The following ADAM32 variants were observed in gnomAD, a reference collection of about 807,000 sequenced individuals.
ADAM32 encodes the protein ADAM metallopeptidase domain 32, also known as disintegrin and metalloproteinase domain-containing protein 32.
ADAM32 carries 89 observed loss-of-function variants against 114.9 expected under a neutral mutation model. The observed-to-expected ratio is 0.77, with a 90% CI of 0.65 to 0.92. ADAM32 has a LOEUF of 0.92. Ranked by LOEUF, ADAM32 falls within the 40% of genes least tolerant of loss-of-function variation. The probability of loss-of-function intolerance (pLI) is 0.00; values close to 1 mark genes in which losing one functional copy is unlikely to be tolerated. For synonymous variants in ADAM32, 285 were observed against 307.5 expected (o/e 0.93, Z 0.77); for missense variants, 870 against 932.8 (o/e 0.93, Z 0.88).
chr8:39,154,611 C>T (rs1033078367), intron 6 of ADAM32, among the ~76,000 whole-genome samples: 7 of 152,186 alleles, frequency 4.6e-5, no homozygotes, highest in Non-Finnish European at 1.0e-4. Context: ...TGAGGAATTG[C>T]CACACTGTCT....
chr8:39,151,425 A>C lies in ADAM32; in HGVS notation c.402A>C (p.Glu134Asp). The change falls in exon 6 of 25, where the codon GAA (glutamate) becomes GAC (aspartate). Residue 134 changes from glutamate (E) to aspartate (D), a missense_variant. By Grantham distance (45) the Glu-to-Asp change is conservative. Coordinates refer to ENST00000379907, the MANE Select transcript of ADAM32 (RefSeq NM_145004.7). ...ENVSYGIEPL[E>D]SAVEFQHVLY... ...TTTCTTATGGAATTGAGCCTCTGGA[A>C]TCTGCAGTTGAATTTCAGCATGTTC... The C allele has an allele frequency of 6.2e-7, 1 of 1,603,322 alleles. No individual in the cohort carries two copies. The highest frequency in any genetic ancestry group is 8.5e-7 in the Non-Finnish European group (1 of 1,176,804).
chr8:39,246,390 T>TATATA (rs1810921591), intron 17 of ADAM32, among the ~76,000 whole-genome samples: 1 of 152,090 alleles, frequency 6.6e-6, no homozygotes, highest in Non-Finnish European at 1.5e-5. Context: ...ATTGTTATAA[T>TATATA]TGGGTACTTT....
intron 6 of ADAM32, 102 bp downstream of exon 6, chr8:39,151,650 T>C (rs2129445588): frequency 1.2e-6 from 1 of 840,316 alleles, no homozygotes; most frequent in Admixed American, 4.0e-5. Context: ...TTGTAGCAAA[T>C]ATCCTTTCCT....
At chr8:39,231,935 A>G (rs1309522527) in intron 14 of ADAM32, 92 bp from the exon 15 acceptor site, 9 of 1,026,606 alleles carry the variant, frequency 8.8e-6, no homozygotes, top group Non-Finnish European at 1.3e-5. Flanking sequence ...TTAGATATTA[A>G]TGGAGAGATA....
intron 19 of ADAM32, among the ~76,000 whole-genome samples, chr8:39,263,145 A>G (rs6986118): frequency 0.52 from 78,457 of 152,064 alleles, 21,712 homozygotes; most frequent in African/African-American, 0.74. Context: ...GATGTTCTAC[A>G]TGTAATAATC....
At chr8:39,126,848 T>A (rs1802147698) in intron 2 of ADAM32, among the ~76,000 whole-genome samples, 1 of 152,208 alleles carries the variant, frequency 6.6e-6, no homozygotes, top group African/African-American at 2.4e-5. Flanking sequence ...GTTCTTTCAA[T>A]ACCTAGTTTA....
At chr8:39,222,196 A>T (rs1431121643) in intron 13 of ADAM32, among the ~76,000 whole-genome samples, 1 of 151,998 alleles carries the variant, frequency 6.6e-6, no homozygotes, top group Non-Finnish European at 1.5e-5. Flanking sequence ...CTTAAAGATT[A>T]TGTTTTAGTT....
intron 9 of ADAM32, chr8:39,166,644 C>T: frequency 6.6e-6 from 1 of 152,200 alleles, no homozygotes; most frequent in East Asian, 1.9e-4. Context: ...TACTAGTTTA[C>T]ATTCCCACCA....
intron 12 of ADAM32, among the ~76,000 whole-genome samples, chr8:39,215,223 G>C (rs1302218012): frequency 6.6e-6 from 1 of 151,850 alleles, no homozygotes; most frequent in Non-Finnish European, 1.5e-5. Flanking sequence ...GAATGTCACT[G>C]GTATTTTGAT....
chr8:39,223,275 A>G, intron 14 of ADAM32, 37 bp downstream of exon 14: 13 of 1,385,924 alleles, frequency 9.4e-6, no homozygotes, highest in Non-Finnish European at 1.2e-5. Flanking sequence ...AGCCCTTAAC[A>G]TTGTTATTAA....
At chr8:39,251,550 T>A (rs1331844926) in intron 17 of ADAM32, among the ~76,000 whole-genome samples, 4 of 151,820 alleles carry the variant, frequency 2.6e-5, no homozygotes, top group South Asian at 4.1e-4. Context: ...CCCATTTTTT[T>A]AATCATATAC....
In ADAM32 at chr8:39,199,793, A is replaced by G. The variant is rs182115009; in HGVS notation, c.1053-11351A>G. On this transcript the variant is annotated intron_variant, in intron 11 of 24. Coordinates refer to ENST00000379907, the MANE Select transcript of ADAM32 (RefSeq NM_145004.7). ...CACCACCCCCCACCCCACAACAGGC[A>G]CCGGTGTGTGATGGTCCCCTTCCTG... Among the ~76,000 whole-genome samples the G allele has an allele frequency of 3.9e-4, 46 of 118,232 alleles. 2 individuals are homozygous for G. The highest frequency in any genetic ancestry group is 6.1e-4 in the Admixed American group (6 of 9,882). 77.6% of individuals were successfully genotyped at this position (118,232 alleles called of 152,430 possible).
intron 2 of ADAM32, among the ~76,000 whole-genome samples, chr8:39,119,492 A>C (rs1012391630): frequency 1.3e-5 from 2 of 152,196 alleles, no homozygotes; most frequent in Non-Finnish European, 2.9e-5. Flanking sequence ...TCATGAGCCT[A>C]ATAGCCATTT....
At chr8:39,264,737 G>A (rs1812246986) in intron 19 of ADAM32, among the ~76,000 whole-genome samples, 1 of 151,996 alleles carries the variant, frequency 6.6e-6, no homozygotes, top group African/African-American at 2.4e-5. Flanking sequence ...CAGAGTTTCT[G>A]TTATGTTATA....
At chr8:39,152,579 A>G (rs1248244395) in intron 6 of ADAM32, among the ~76,000 whole-genome samples, 2 of 152,198 alleles carry the variant, frequency 1.3e-5, no homozygotes, top group South Asian at 4.2e-4. Flanking sequence ...AAGATTAGTC[A>G]GGCATGGTGG....
rs189443306 is a variant in ADAM32 at position 39,120,028 on chromosome 8, G to A, written c.138+1863G>A. 1.9e-4 allele frequency among the ~76,000 whole-genome samples: 29 copies of A among 152,318 alleles called. No homozygotes were observed. The East Asian group carries it at 4.8e-3, about 25-fold the overall frequency. On this transcript the variant is annotated intron_variant, in intron 2 of 24. Coordinates refer to ENST00000379907, the MANE Select transcript of ADAM32 (RefSeq NM_145004.7). ...GGTCATGAAAGGATACAACAAGAAG[G>A]CAGCTGTCTGCAAGCCAAGAGGAGA... is the stretch of plus-strand genomic sequence containing the variant.
intron 14 of ADAM32, among the ~76,000 whole-genome samples, chr8:39,228,493 A>C (rs1456112074): frequency 1.3e-5 from 2 of 152,174 alleles, no homozygotes; most frequent in Admixed American, 1.3e-4. Flanking sequence ...AAAACATAAA[A>C]AATTCTGGGA....
In ADAM32 at chr8:39,240,392, A is replaced by G. The variant is rs796070054; in HGVS notation, c.1819-5691A>G. Among the ~76,000 whole-genome samples the G allele has an allele frequency of 3.9e-5, 6 of 152,360 alleles. 1 individual carries two copies. The highest frequency in any genetic ancestry group is 1.4e-4 in the African/African-American group (6 of 41,588). ...TTGAACTGAATGATAATAGTGACACAACCCATCCAATCCTCTGAGATACAG... is the reference window on the plus strand; with the variant it reads ...TTGAACTGAATGATAATAGTGACACGACCCATCCAATCCTCTGAGATACAG... On this transcript the variant is annotated intron_variant, in intron 16 of 24. Coordinates refer to ENST00000379907, the MANE Select transcript of ADAM32 (RefSeq NM_145004.7).
intron 17 of ADAM32, among the ~76,000 whole-genome samples, chr8:39,248,539 G>C (rs947131749): frequency 1.3e-5 from 2 of 152,132 alleles, no homozygotes; most frequent in African/African-American, 4.8e-5. Context: ...CATTAACCTT[G>C]TATATTGCAA....
Sources: gnomAD v4.1 joint callset for allele counts (sites outside exome capture counted in the v4.1 genomes callset) on GRCh38, gnomAD v4.1.1 for gene constraint, MANE v1.5 for transcripts, NCBI Gene and HGNC (gene_info 2026-07-23, HGNC 2026-07-21) for gene names.